Variants in PARD3B observed in about 807,000 individuals in gnomAD.
PARD3B encodes partitioning defective 3 homolog B.
Under a neutral mutation model 130.2 loss-of-function variants are expected in PARD3B, and 103 were observed. That is an observed-to-expected ratio of 0.79 (90% confidence interval 0.67 to 0.93). PARD3B has a LOEUF of 0.93. Ranked by LOEUF, PARD3B falls within the 40% of genes least tolerant of loss-of-function variation. The pLI is 0.00. For synonymous variants in PARD3B, 583 were observed against 553.2 expected (o/e 1.05, Z -0.76); for missense variants, 1,609 against 1,499.2 (o/e 1.07, Z -1.21).
intron 15 of PARD3B, among the ~76,000 whole-genome samples, chr2:205,227,783 C>G (rs1229844179): frequency 6.6e-6 from 1 of 151,696 alleles, no homozygotes; most frequent in Non-Finnish European, 1.5e-5. Flanking sequence ...TCCTATCTTA[C>G]TTTTAGTGAC....
chr2:205,191,680 T>G (rs2036405476), intron 14 of PARD3B, among the ~76,000 whole-genome samples: 1 of 152,246 alleles, frequency 6.6e-6, no homozygotes. Flanking sequence ...CATTCTATTC[T>G]CTCAACAACC....
chr2:205,394,748 A>T (rs1444139936), intron 18 of PARD3B, among the ~76,000 whole-genome samples: 1 of 152,254 alleles, frequency 6.6e-6, no homozygotes, highest in African/African-American at 2.4e-5. Context: ...ACAAACGAAT[A>T]AATTTTCTGT....
At chr2:205,019,158 T>C (rs1696400327) in intron 3 of PARD3B, among the ~76,000 whole-genome samples, 1 of 152,122 alleles carries the variant, frequency 6.6e-6, no homozygotes, top group Non-Finnish European at 1.5e-5. Context: ...AGCCCAACCT[T>C]AGGCCACCAC....
chr2:205,532,192 G>A (rs1033455804), intron 21 of PARD3B, among the ~76,000 whole-genome samples: 6 of 152,120 alleles, frequency 3.9e-5, no homozygotes, highest in African/African-American at 7.2e-5. Context: ...TAGAAGCAGT[G>A]CTTACTTCTT....
intron 1 of PARD3B, among the ~76,000 whole-genome samples, chr2:204,546,360 T>A (rs1295643068): frequency 6.6e-6 from 1 of 152,130 alleles, no homozygotes; most frequent in Non-Finnish European, 1.5e-5. Context: ...TTCTTAGAAC[T>A]GCCCAATATG....
rs16836499 is a variant in PARD3B, at chr2:204,675,357, G to A, written c.121-10824G>A. 0.014 allele frequency among the ~76,000 whole-genome samples: 2,190 copies of A among 151,426 alleles called. 40 individuals carry two copies. Among genetic ancestry groups the A allele is most frequent in the African/African-American group, 0.05 (2,053 of 41,244 alleles). The stretch of plus-strand genomic sequence containing the variant: ...TTTTTTTTAATTTCAGACTTTTAAC[G>A]TTTAATTTTCCTGATATAACTTCAG... On this transcript the variant is annotated intron_variant, in intron 1 of 22. Transcript: ENST00000406610. The surrounding 1 kb of genome is among the most constrained non-coding windows in gnomAD (Gnocchi z 4.4).
At chr2:205,123,422 A>G (rs2030992707) in intron 8 of PARD3B, among the ~76,000 whole-genome samples, 1 of 152,088 alleles carries the variant, frequency 6.6e-6, no homozygotes, top group South Asian at 2.1e-4. Flanking sequence ...TCAAAAAGAG[A>G]CATTGGAGCC....
chr2:204,581,191 C>T (rs1308367449), intron 1 of PARD3B, among the ~76,000 whole-genome samples: 1 of 152,124 alleles, frequency 6.6e-6, no homozygotes, highest in Non-Finnish European at 1.5e-5. Flanking sequence ...CAGAAAATTG[C>T]TTCTTGTTAG....
chr2:205,326,712 A>G (rs1306198280), intron 18 of PARD3B, among the ~76,000 whole-genome samples: 2 of 152,156 alleles, frequency 1.3e-5, no homozygotes, highest in Admixed American at 6.5e-5. Context: ...ATAATTCCCT[A>G]TAGTCTTAGG....
At chr2:204,922,190 A>G (rs1260575813) in intron 2 of PARD3B, among the ~76,000 whole-genome samples, 2 of 152,156 alleles carry the variant, frequency 1.3e-5, no homozygotes, top group African/African-American at 2.4e-5. Flanking sequence ...CGTTTATGCA[A>G]TAAATAATAG....
At chr2:205,159,927 T>C (rs1202082984) in intron 11 of PARD3B, among the ~76,000 whole-genome samples, 3 of 152,202 alleles carry the variant, frequency 2.0e-5, no homozygotes, top group South Asian at 4.1e-4. Flanking sequence ...CAGCTGCTGA[T>C]AAATGTTAGC....
At chr2:204,975,942 A>C (rs1194096683) in intron 3 of PARD3B, among the ~76,000 whole-genome samples, 1 of 152,146 alleles carries the variant, frequency 6.6e-6, no homozygotes, top group Middle Eastern at 3.2e-3. Flanking sequence ...ACTTAAATTT[A>C]TTTAAAGTAC....
chr2:205,459,898 C>G (rs547996287), intron 20 of PARD3B, among the ~76,000 whole-genome samples: 1 of 152,314 alleles, frequency 6.6e-6, no homozygotes, highest in East Asian at 1.9e-4. Flanking sequence ...CACTGCTTTG[C>G]ACTCACTGCA....
rs2036624631 is a variant in PARD3B at position 204,677,814 on chromosome 2, A to G, written c.121-8367A>G. Among the ~76,000 whole-genome samples, 1 of 152,192 alleles carries G rather than the reference A, an allele frequency of 6.6e-6. No homozygotes were observed. Among genetic ancestry groups the G allele is most frequent in the South Asian group, 2.1e-4 (1 of 4,828 alleles). On this transcript the variant is annotated intron_variant, in intron 1 of 22. Coordinates refer to ENST00000406610, the MANE Select transcript of PARD3B (RefSeq NM_001302769.2). The surrounding 1 kb of genome is among the most constrained non-coding windows in gnomAD (Gnocchi z 4.1). ...TCAGTTAGCTACATGTTCTATTGGT[A>G]GGATAACCTGGCCTTCCCATCTTCT...
intron 1 of PARD3B, among the ~76,000 whole-genome samples, chr2:204,652,428 C>G (rs187895643): frequency 6.6e-6 from 1 of 152,302 alleles, no homozygotes; most frequent in East Asian, 1.9e-4. Flanking sequence ...CCAATCTCTT[C>G]ACTAAAGCAT....
chr2:204,880,657 C>CAAAAAAAA (rs746023895), intron 2 of PARD3B, among the ~76,000 whole-genome samples: 2 of 55,464 alleles, frequency 3.6e-5, no homozygotes, highest in Admixed American at 2.1e-4. Flanking sequence ...GACTCCATCT[C>CAAAAAAAA]AAAAAAAAAA....
intron 20 of PARD3B, among the ~76,000 whole-genome samples, chr2:205,496,140 C>A (rs1176652739): frequency 6.6e-6 from 1 of 152,126 alleles, no homozygotes; most frequent in African/African-American, 2.4e-5. Flanking sequence ...TGATGATTGC[C>A]ACTATCACAA....
At chr2:205,024,060 T>C (rs936170017) in intron 3 of PARD3B, among the ~76,000 whole-genome samples, 1 of 151,952 alleles carries the variant, frequency 6.6e-6, no homozygotes, top group Non-Finnish European at 1.5e-5. Flanking sequence ...TCTGTGAATA[T>C]AAACAAACAT....
rs554957173 is a variant in PARD3B at position 204,715,630 on chromosome 2, C to T, written c.222+29348C>T. ...ATATGAGAAGGCTTTAGTCATATTC[C>T]TCTGTTTGAAATTTGCAAGGAGTCT... On this transcript the variant is annotated intron_variant, in intron 2 of 22. Transcript: ENST00000406610. 2.4e-4 allele frequency among the ~76,000 whole-genome samples: 36 copies of T among 151,932 alleles called. No individual in the cohort carries two copies. The South Asian group carries it at 7.3e-3, about 31-fold the overall frequency.
Sources: allele counts gnomAD v4.1 joint callset (sites outside exome capture counted in the v4.1 genomes callset), GRCh38; gene constraint gnomAD v4.1.1; non-coding constraint Gnocchi (gnomAD v3.1); transcripts MANE v1.5; gene names NCBI Gene and HGNC (gene_info 2026-07-23, HGNC 2026-07-21).